Variants in ULBP1 observed in about 807,000 individuals in gnomAD.
ULBP1 encodes UL16-binding protein 1.
Under a neutral mutation model 25.3 loss-of-function variants are expected in ULBP1, and 28 were observed. The ratio of observed to expected loss-of-function variants is 1.10; its 90% CI spans 0.82 to 1.51. The LOEUF is 1.51. ULBP1 is among the 40% of genes most tolerant of loss of function. ULBP1 has a pLI of 0.00. For missense variants in ULBP1, 348 were observed against 290.9 expected (o/e 1.20, Z -1.43); for synonymous variants, 129 against 103.0 (o/e 1.25, Z -1.53).
intron 4 of ULBP1, among the ~76,000 whole-genome samples, chr6:149,970,550 C>T (rs59004982): frequency 0.14 from 20,791 of 152,008 alleles, 2,628 homozygotes; most frequent in East Asian, 0.34. Context: ...AAGGGGTGTC[C>T]CTGGAGGAGG....
Position 149,969,139 on chromosome 6 carries a change from G to T in ULBP1, c.404G>T (p.Gly135Val). 1 of 1,614,238 alleles carries T rather than the reference G, an allele frequency of 6.2e-7. No individual in the cohort carries two copies. The highest frequency in any genetic ancestry group is 1.1e-5 in the South Asian group (1 of 91,088). Reference sequence around the variant, plus strand: ...TGTGAGCATGAAGCCCATGGACACGGCAGAGGATCTTGGCAGTTCCTCTTC... The same window carrying T: ...TGTGAGCATGAAGCCCATGGACACGTCAGAGGATCTTGGCAGTTCCTCTTC... ...MSCEHEAHGH[G>V]RGSWQFLFNG... Residue 135 changes from glycine to valine, a missense_variant, in exon 3 of 5, where the codon GGC becomes GTC. Coordinates refer to ENST00000229708, the MANE Select transcript of ULBP1 (RefSeq NM_025218.4).
In ULBP1 at chr6:149,968,781, G is replaced by T. The variant is rs754724186; in HGVS notation, c.260G>T (p.Trp87Leu). 1.2e-6 allele frequency: 2 copies of T among 1,613,996 alleles called. No homozygotes were observed. The highest frequency in any genetic ancestry group is 2.7e-5 in the African/African-American group (2 of 74,924). ...LGKKVNVTKTWEEQTETLRDV... is the reference protein window; with the variant it reads ...LGKKVNVTKTLEEQTETLRDV... ...AAGAAAGTCAATGTCACAAAAACCT[G>T]GGAAGAACAAACTGAAACACTAAGA... The change falls in exon 2 of 5, where the codon TGG (tryptophan) becomes TTG (leucine). Residue 87 changes from tryptophan (W) to leucine (L), a missense_variant. Transcript: ENST00000229708.
chr6:149,967,881 G>T (rs1204170479), intron 1 of ULBP1, among the ~76,000 whole-genome samples: 1 of 152,120 alleles, frequency 6.6e-6, no homozygotes, highest in East Asian at 1.9e-4. Flanking sequence ...TTCTCCTGGG[G>T]CCTTCTTTAT....
chr6:149,971,757 A>T lies in ULBP1; in HGVS notation c.*411A>T, dbSNP rs896957984. ...TTCCAAACAGTATCGCTAGTAAAAT[A>T]GCATGCTGGACTTCAGACCTCAGGG... On this transcript the variant is annotated 3_prime_UTR_variant, in exon 5 of 5. Transcript: ENST00000229708. The T allele has an allele frequency of 6.6e-6, 1 of 151,704 alleles. No individual in the cohort carries two copies. The highest frequency in any genetic ancestry group is 2.4e-5 in the African/African-American group (1 of 41,396). The allele number at this position is 151,704 out of a possible 1,614,324, so 9.4% of individuals were successfully genotyped here. A position where few individuals can be genotyped will look rare whatever the true frequency, so the allele number is the denominator to read the frequency against.
chr6:149,965,550 C>A (rs891206352), intron 1 of ULBP1, among the ~76,000 whole-genome samples: 1 of 152,276 alleles, frequency 6.6e-6, no homozygotes, highest in East Asian at 1.9e-4. Context: ...ACCAGATTCC[C>A]GAACCCTAGC....
Position 149,970,008 on chromosome 6 carries a change from C to A in ULBP1, c.626-8C>A, listed in dbSNP as rs775422504. ...ACAAGGGTTGTCACTCCTGTGTTTC[C>A]ATTTCAGAACCACCCTCTCTGGCCC... On this transcript the variant is annotated splice_region_variant and splice_polypyrimidine_tract_variant and intron_variant, in intron 3 of 4. Coordinates refer to ENST00000229708, the MANE Select transcript of ULBP1 (RefSeq NM_025218.4). 2 of 1,608,518 alleles carry A rather than the reference C, an allele frequency of 1.2e-6. No homozygotes were observed. The highest frequency in any genetic ancestry group is 1.7e-6 in the Non-Finnish European group (2 of 1,177,402).
intron 1 of ULBP1, among the ~76,000 whole-genome samples, chr6:149,965,146 A>C: frequency 7.1e-6 from 1 of 141,190 alleles, no homozygotes; most frequent in African/African-American, 2.9e-5. Flanking sequence ...CTCCCCGAAC[A>C]TCGCGATCCC....
At chr6:149,966,750 T>A (rs1163792407) in intron 1 of ULBP1, among the ~76,000 whole-genome samples, 1 of 152,090 alleles carries the variant, frequency 6.6e-6, no homozygotes. Flanking sequence ...CTCCCATAGC[T>A]GGAGGCCCAT....
chr6:149,971,760 A>G lies in ULBP1; in HGVS notation c.*414A>G, dbSNP rs746697837. Reference sequence around the variant, plus strand: ...CAAACAGTATCGCTAGTAAAATAGCATGCTGGACTTCAGACCTCAGGGATC... The same window carrying G: ...CAAACAGTATCGCTAGTAAAATAGCGTGCTGGACTTCAGACCTCAGGGATC... On this transcript the variant is annotated 3_prime_UTR_variant, in exon 5 of 5. Coordinates refer to ENST00000229708, the MANE Select transcript of ULBP1 (RefSeq NM_025218.4). 2.0e-5 allele frequency: 3 copies of G among 152,196 alleles called. No individual in the cohort carries two copies. 9.4% of individuals were successfully genotyped at this position (152,196 alleles called of 1,614,324 possible).
intron 1 of ULBP1, among the ~76,000 whole-genome samples, chr6:149,967,337 G>A (rs55771808): frequency 0.036 from 5,469 of 152,324 alleles, 347 homozygotes; most frequent in African/African-American, 0.12. Flanking sequence ...ACAGTTACCA[G>A]AGTGAATGCC....
chr6:149,967,619 C>A (rs1292033620), intron 1 of ULBP1, among the ~76,000 whole-genome samples: 1 of 152,178 alleles, frequency 6.6e-6, no homozygotes, highest in East Asian at 1.9e-4. Context: ...GGATCCTTGA[C>A]CCCTTTGTTC....
At chr6:149,968,536 A>G (rs1483300463) in intron 1 of ULBP1, 71 bp from the exon 2 acceptor site, 14 of 1,545,020 alleles carry the variant, frequency 9.1e-6, no homozygotes, top group Middle Eastern at 1.7e-4. Flanking sequence ...TGCAGTCACC[A>G]TAAGTGGGAG....
At chr6:149,968,567 T>TC in intron 1 of ULBP1, 40 bp from the exon 2 acceptor site, 2 of 1,577,080 alleles carry the variant, frequency 1.3e-6, no homozygotes, top group Non-Finnish European at 1.7e-6. Flanking sequence ...AGGTTCCATT[T>TC]CCCCCCACAC....
rs1281451907 is a variant in ULBP1, at chr6:149,973,594, T to A, written c.*2248T>A. ...AGCTCAAAAAGATAAAATCTAGTCA[T>A]TTAAGATAATCATAAGTTGTATGAT... On this transcript the variant is annotated 3_prime_UTR_variant, in exon 5 of 5. Coordinates refer to ENST00000229708, the MANE Select transcript of ULBP1 (RefSeq NM_025218.4). 2 of 152,200 alleles carry A rather than the reference T, an allele frequency of 1.3e-5. No homozygotes were observed. The highest frequency in any genetic ancestry group is 2.9e-5 in the Non-Finnish European group (2 of 68,040). The allele number at this position is 152,200 out of a possible 1,614,324, so 9.4% of individuals were successfully genotyped here. A position where few individuals can be genotyped will look rare whatever the true frequency, so the allele number is the denominator to read the frequency against.
intron 3 of ULBP1, 31 bp from the exon 4 acceptor site, chr6:149,969,985 A>G: frequency 6.3e-7 from 1 of 1,591,478 alleles, no homozygotes; most frequent in Non-Finnish European, 8.6e-7. Flanking sequence ...GAGCCTGGAC[A>G]AGGGTTGTCA....
intron 1 of ULBP1, among the ~76,000 whole-genome samples, chr6:149,965,591 C>T (rs1431817519): frequency 6.6e-6 from 1 of 152,106 alleles, no homozygotes; most frequent in Admixed American, 6.5e-5. Flanking sequence ...AGGGGAGTTC[C>T]ACAGGGACGC....
Position 149,967,733 on chromosome 6 carries a change from G to A in ULBP1, c.86-874G>A, listed in dbSNP as rs185086276. ...ACCCTCCTTCCTGCTGACAGTTGAC[G>A]GCCTCCGCTTGAGATCTCTTATTTC... is the stretch of plus-strand genomic sequence containing the variant. On this transcript the variant is annotated intron_variant, in intron 1 of 4. Coordinates refer to ENST00000229708, the MANE Select transcript of ULBP1 (RefSeq NM_025218.4). 1.9e-4 allele frequency among the ~76,000 whole-genome samples: 29 copies of A among 151,996 alleles called. No individual in the cohort carries two copies. In the East Asian group the frequency reaches 4.4e-3, roughly 23 times the overall value.
In ULBP1 at chr6:149,969,351, G is replaced by C; in HGVS notation, c.616G>C (p.Asp206His). The change falls in exon 3 of 5, where the codon GAT (aspartate) becomes CAT (histidine). Residue 206 changes from aspartate (D) to histidine (H), a missense_variant. Asp to His is a moderately conservative substitution (Grantham distance 81, BLOSUM62 -1). Transcript: ENST00000229708. ...TTTGATGTACTGGGAACAAATGCTG[G>C]ATCCAACAAGTAAGTGAGAGGGGGA... Reference protein sequence around the residue: ...EFLMYWEQMLDPTKPPSLAPG... With the variant: ...EFLMYWEQMLHPTKPPSLAPG... 1.2e-6 allele frequency: 2 copies of C among 1,612,726 alleles called. No individual in the cohort carries two copies. The highest frequency in any genetic ancestry group is 1.7e-6 in the Non-Finnish European group (2 of 1,178,788).
intron 4 of ULBP1, among the ~76,000 whole-genome samples, chr6:149,970,647 A>G (rs1266446358): frequency 2.6e-5 from 4 of 152,262 alleles, no homozygotes; most frequent in African/African-American, 9.6e-5. Flanking sequence ...GCATTCCCAG[A>G]GAAAGCAGCT....
Sources: allele counts gnomAD v4.1 joint callset (sites outside exome capture counted in the v4.1 genomes callset), GRCh38; gene constraint gnomAD v4.1.1; transcripts MANE v1.5; gene names NCBI Gene and HGNC (gene_info 2026-07-23, HGNC 2026-07-21).